The following ZNF814 variants were observed in gnomAD, a reference collection of about 807,000 sequenced individuals.
The protein encoded by ZNF814 is zinc finger protein 814.
In ZNF814, 5 loss-of-function variants were observed where a neutral mutation model predicts 7.5. The observed-to-expected ratio is 0.67, with a 90% CI of 0.35 to 1.40. The LOEUF is 1.40. ZNF814 is among the 40% of genes most tolerant of loss of function. ZNF814 has a pLI of 0.04. For missense variants in ZNF814, 962 were observed against 1,018.0 expected (o/e 0.94, Z 0.75); for synonymous variants, 315 against 340.7 (o/e 0.92, Z 0.83).
At chr19:57,888,034 C>T (rs2071707513) in intron 1 of ZNF814, among the ~76,000 whole-genome samples, 1 of 152,216 alleles carries the variant, frequency 6.6e-6, no homozygotes, top group African/African-American at 2.4e-5. Context: ...GTTAATCAAG[C>T]CCCTTCCTCG....
chr19:57,886,833 TCACA>T (rs995374677), intron 1 of ZNF814, among the ~76,000 whole-genome samples: 8 of 148,892 alleles, frequency 5.4e-5, no homozygotes, highest in African/African-American at 2.0e-4. Context: ...TGAGCTGAGA[TCACA>T]CCACTGCACT....
chr19:57,877,824 A>G (rs1194583349), intron 1 of ZNF814, among the ~76,000 whole-genome samples: 9 of 152,124 alleles, frequency 5.9e-5, no homozygotes, highest in Admixed American at 5.9e-4. Flanking sequence ...TTGGTAAAAC[A>G]AATTACATCT....
At chr19:57,898,902 T>G in the ZNF814 span, among the ~76,000 whole-genome samples, 1 of 143,878 alleles carries the variant, frequency 7.0e-6, no homozygotes, top group Non-Finnish European at 1.5e-5. Context: ...ATCGTGCCAC[T>G]GCACTCCAGC....
chr19:57,873,387 C>T lies in ZNF814; in HGVS notation c.2003G>A (p.Cys668Tyr). ...AATGAGGTTACCCTTGTGACTAAAA[C>T]ATTTCCCACATTCCCCACACTTAAA... Reference protein sequence around the residue: ...RPFKCGECGKCFSHKGNLILH... With the variant: ...RPFKCGECGKYFSHKGNLILH... The change falls in exon 3 of 3, where the codon TGT becomes TAT. Residue 668 changes from cysteine to tyrosine, a missense_variant. Cys to Tyr is a radical substitution (Grantham distance 194). Around this residue, in one of 7 missense-constraint regions of ZNF814, gnomAD observed 665 missense variants for 551.4 expected, o/e 1.21. Coordinates refer to ENST00000435989, the MANE Select transcript of ZNF814 (RefSeq NM_001144989.2). 1.2e-6 allele frequency: 2 copies of T among 1,607,850 alleles called. No individual in the cohort carries two copies. Among genetic ancestry groups the T allele is most frequent in the Non-Finnish European group, 1.7e-6 (2 of 1,177,016 alleles).
At chr19:57,896,705 T>G in the ZNF814 span, among the ~76,000 whole-genome samples, 2 of 152,224 alleles carry the variant, frequency 1.3e-5, no homozygotes, top group Non-Finnish European at 2.9e-5. The surrounding 1 kb of genome is among the most constrained non-coding windows in gnomAD (Gnocchi z 4.2). Flanking sequence ...AAGCAAGCCA[T>G]TAGTCAATAT....
chr19:57,896,576 A>T, the ZNF814 span, among the ~76,000 whole-genome samples: 1 of 152,196 alleles, frequency 6.6e-6, no homozygotes, highest in East Asian at 1.9e-4. The surrounding 1 kb of genome is among the most constrained non-coding windows in gnomAD (Gnocchi z 4.2). Context: ...AATTCTATTC[A>T]AAAGGCTAGA....
At position 57,871,837 on chromosome 19, in the gene ZNF814, C is replaced by G. The variant is rs886725160; in HGVS notation, c.*985G>C. On this transcript the variant is annotated 3_prime_UTR_variant, in exon 3 of 3. Transcript: ENST00000435989. ...AAAAAAAAAAAAAAAAGGCCAGGCA[C>G]AGTAACTCACACCTGTAATCCCAGC... 2.0e-5 allele frequency among the ~76,000 whole-genome samples: 3 copies of G among 148,924 alleles called. No homozygotes were observed. The highest frequency in any genetic ancestry group is 3.0e-5 in the Non-Finnish European group (2 of 67,502).
chr19:57,887,877 C>G (rs1352405641), intron 1 of ZNF814, among the ~76,000 whole-genome samples: 2 of 152,210 alleles, frequency 1.3e-5, no homozygotes, highest in Admixed American at 1.3e-4. Flanking sequence ...GAGCGCCACA[C>G]CTGGTACCTT....
chr19:57,876,189 C>G (rs1374004310), intron 2 of ZNF814, among the ~76,000 whole-genome samples: 1 of 152,052 alleles, frequency 6.6e-6, no homozygotes, highest in East Asian at 1.9e-4. Flanking sequence ...AACTCCTGAC[C>G]TCATGATCCA....
rs573967497 is a variant in ZNF814, at chr19:57,874,259, T to C, written c.1131A>G (p.Lys377=). ...FSNHQRVHTG[K]RPYECGECGK... ...CACATTCTCCACATTCATAAGGTCT[T>C]TTCCCAGTGTGAACTCTCTGATGAT... The change falls in exon 3 of 3, where the codon AAA becomes AAG. Residue 377 remains lysine, a synonymous_variant. Transcript: ENST00000435989. 1 of 1,584,312 alleles carries C rather than the reference T, an allele frequency of 6.3e-7. No individual in the cohort carries two copies. Among genetic ancestry groups the C allele is most frequent in the South Asian group, 1.2e-5 (1 of 86,652 alleles).
At chr19:57,895,229 C>G in the ZNF814 span, among the ~76,000 whole-genome samples, 1 of 151,984 alleles carries the variant, frequency 6.6e-6, no homozygotes. Flanking sequence ...TAAATTGGGC[C>G]TCAAACCCAG....
upstream of ZNF814, among the ~76,000 whole-genome samples, chr19:57,892,047 C>T (rs907173634): frequency 6.6e-6 from 1 of 152,178 alleles, no homozygotes; most frequent in Non-Finnish European, 1.5e-5. Flanking sequence ...CCACTGCACC[C>T]GGCCCAGACC....
At chr19:57,903,561 C>A in the ZNF814 span, among the ~76,000 whole-genome samples, 2 of 152,104 alleles carry the variant, frequency 1.3e-5, no homozygotes, top group Non-Finnish European at 2.9e-5. Context: ...GAAAATCTCA[C>A]CCTTGATATT....
At chr19:57,896,572 A>G in the ZNF814 span, among the ~76,000 whole-genome samples, 1 of 152,308 alleles carries the variant, frequency 6.6e-6, no homozygotes, top group East Asian at 1.9e-4. This position sits in a 1 kb window ranked among gnomAD's most constrained non-coding sequence, Gnocchi z 4.2. Flanking sequence ...ACAAAATTCT[A>G]TTCAAAAGGC....
At chr19:57,882,842 G>A (rs897663073) in intron 1 of ZNF814, among the ~76,000 whole-genome samples, 19 of 151,034 alleles carry the variant, frequency 1.3e-4, no homozygotes, top group Non-Finnish European at 2.2e-4. Context: ...ACTGTTTAAT[G>A]CCCAGACACT....
intron 1 of ZNF814, among the ~76,000 whole-genome samples, chr19:57,877,562 C>G (rs990515737): frequency 6.6e-6 from 1 of 152,092 alleles, no homozygotes; most frequent in African/African-American, 2.4e-5. Context: ...CCTGCCTCAG[C>G]CTCCCGAGCA....
chr19:57,878,154 A>G (rs1437095983), intron 1 of ZNF814, among the ~76,000 whole-genome samples: 1 of 139,828 alleles, frequency 7.2e-6, no homozygotes, highest in Admixed American at 7.3e-5. Context: ...CAACAAGAGC[A>G]AAACTCTGTC....
chr19:57,900,971 C>G, the ZNF814 span, among the ~76,000 whole-genome samples: 2 of 150,904 alleles, frequency 1.3e-5, no homozygotes, highest in Non-Finnish European at 3.0e-5. Flanking sequence ...CTCAGCCTCC[C>G]GAGTAGCTGG....
chr19:57,892,810 TTC>T (rs2071740366), upstream of ZNF814, among the ~76,000 whole-genome samples: 1 of 152,220 alleles, frequency 6.6e-6, no homozygotes, highest in Non-Finnish European at 1.5e-5. Flanking sequence ...GGCAATGTTT[TTC>T]TCTGTCTCCT....
Sources: allele counts gnomAD v4.1 joint callset (sites outside exome capture counted in the v4.1 genomes callset), GRCh38; gene constraint gnomAD v4.1.1; regional missense constraint gnomAD v4.1.1; non-coding constraint Gnocchi (gnomAD v3.1); transcripts MANE v1.5; gene names NCBI Gene and HGNC (gene_info 2026-07-23, HGNC 2026-07-21).